GRIN2B: variants seen among roughly 807,000 people sequenced by gnomAD.
GRIN2B encodes glutamate ionotropic receptor NMDA type subunit 2B.
Under a neutral mutation model 114.5 loss-of-function variants are expected in GRIN2B, and 5 were observed. The ratio of observed to expected loss-of-function variants is 0.04; its 90% CI spans 0.02 to 0.09. GRIN2B has a LOEUF of 0.09. Among genes scored for constraint, GRIN2B ranks in the 10% least tolerant of loss-of-function variants. The pLI is 1.00. For missense variants in GRIN2B, 1,108 were observed against 1,943.5 expected (o/e 0.57, Z 8.08); for synonymous variants, 787 against 745.1 (o/e 1.06, Z -0.92).
intron 3 of GRIN2B, among the ~76,000 whole-genome samples, chr12:13,794,206 TC>T (rs1359831652): frequency 9.7e-5 from 2 of 20,708 alleles, no homozygotes; most frequent in African/African-American, 4.9e-4. Flanking sequence ...AGACTCTGTC[TC>T]AAAAAAAAAA....
intron 5 of GRIN2B, among the ~76,000 whole-genome samples, chr12:13,618,551 C>T (rs1041733095): frequency 7.9e-5 from 12 of 152,080 alleles, no homozygotes; most frequent in Admixed American, 2.0e-4. Flanking sequence ...CACTAAGGGT[C>T]CCCCCAGAGT....
intron 4 of GRIN2B, among the ~76,000 whole-genome samples, chr12:13,721,678 TAG>T (rs778814304): frequency 1.3e-5 from 2 of 152,056 alleles, no homozygotes; most frequent in Non-Finnish European, 2.9e-5. Flanking sequence ...AGTAGGTAAC[TAG>T]AGAGTCTAGT....
At chr12:13,817,223 C>T (rs942317569) in intron 3 of GRIN2B, among the ~76,000 whole-genome samples, 7 of 152,150 alleles carry the variant, frequency 4.6e-5, no homozygotes, top group Non-Finnish European at 1.0e-4. Flanking sequence ...AGCCCTCGTG[C>T]CTCCTTCTCT....
chr12:13,583,469 A>G (rs1158454341), intron 10 of GRIN2B, among the ~76,000 whole-genome samples: 1 of 152,228 alleles, frequency 6.6e-6, no homozygotes, highest in Non-Finnish European at 1.5e-5. Flanking sequence ...CAGGATACTC[A>G]TATTTAACTG....
intron 5 of GRIN2B, among the ~76,000 whole-genome samples, chr12:13,648,632 GC>G (rs1272345665): frequency 6.6e-6 from 1 of 151,812 alleles, no homozygotes; most frequent in Non-Finnish European, 1.5e-5. Flanking sequence ...TTGACAATAG[GC>G]AGGGTCCAGT....
intron 5 of GRIN2B, among the ~76,000 whole-genome samples, chr12:13,653,144 A>G (rs941902618): frequency 2.6e-5 from 4 of 152,190 alleles, no homozygotes; most frequent in African/African-American, 9.6e-5. Flanking sequence ...ATGGTAGATC[A>G]AAGAGATGGA....
chr12:13,742,308 T>C (rs1863301167), intron 4 of GRIN2B, among the ~76,000 whole-genome samples: 1 of 152,242 alleles, frequency 6.6e-6, no homozygotes, highest in African/African-American at 2.4e-5. Flanking sequence ...GGTTTGCCTA[T>C]CTGATCCTCA....
chr12:13,621,123 G>A (rs1949508059), intron 5 of GRIN2B, among the ~76,000 whole-genome samples: 1 of 152,134 alleles, frequency 6.6e-6, no homozygotes, highest in African/African-American at 2.4e-5. Context: ...AGAACAAGGT[G>A]TATTTCAAGC....
chr12:13,979,154 T>C (rs1006468292), intron 2 of GRIN2B, among the ~76,000 whole-genome samples: 1 of 152,120 alleles, frequency 6.6e-6, no homozygotes, highest in Non-Finnish European at 1.5e-5. Flanking sequence ...TAAATAGATA[T>C]GTAGACAGAA....
chr12:13,655,792 TA>T (rs1315386392), intron 5 of GRIN2B, among the ~76,000 whole-genome samples: 2 of 152,246 alleles, frequency 1.3e-5, no homozygotes, highest in East Asian at 3.8e-4. Context: ...TGACATACTG[TA>T]GACATATTAT....
chr12:13,752,859 G>C (rs182841229), intron 4 of GRIN2B, among the ~76,000 whole-genome samples: 3 of 152,114 alleles, frequency 2.0e-5, no homozygotes, highest in African/African-American at 7.2e-5. Flanking sequence ...AAAGGTAAGC[G>C]GACTGGTCCT....
chr12:13,659,421 T>TA (rs1344244569), intron 5 of GRIN2B, among the ~76,000 whole-genome samples: 3 of 152,164 alleles, frequency 2.0e-5, no homozygotes, highest in Admixed American at 2.0e-4. Context: ...TGCAGGCACC[T>TA]AAGTTCCTAC....
chr12:13,549,999 G>A lies in GRIN2B; in HGVS notation c.*12784C>T, dbSNP rs1326213487. On this transcript the variant is annotated 3_prime_UTR_variant, in exon 14 of 14. Transcript: ENST00000609686. ...GACAATTCAGGCAGCATTACTCGCT[G>A]AGCTAGACTGAGAGTTAGAAATTTG... The A allele has an allele frequency of 2.0e-5, 3 of 152,170 alleles. No individual in the cohort carries two copies. The highest frequency in any genetic ancestry group is 7.2e-5 in the African/African-American group (3 of 41,444). 9.4% of individuals were successfully genotyped at this position (152,170 alleles called of 1,614,324 possible).
intron 4 of GRIN2B, among the ~76,000 whole-genome samples, chr12:13,685,231 C>T (rs1378545957): frequency 6.6e-6 from 1 of 152,180 alleles, no homozygotes; most frequent in East Asian, 1.9e-4. Context: ...AAAATCAACA[C>T]ACAGGAAATA....
intron 10 of GRIN2B, among the ~76,000 whole-genome samples, chr12:13,593,631 C>T (rs1263815310): frequency 6.6e-6 from 1 of 152,132 alleles, no homozygotes; most frequent in Non-Finnish European, 1.5e-5. Context: ...AGAACATAGG[C>T]ATGGGCAAAG....
Position 13,543,259 on chromosome 12 carries a change from C to T in GRIN2B, c.*19524G>A, listed in dbSNP as rs1948303828. 1.3e-5 allele frequency: 2 copies of T among 152,232 alleles called. No individual in the cohort carries two copies. The highest frequency in any genetic ancestry group is 2.9e-5 in the Non-Finnish European group (2 of 68,048). 9.4% of individuals were successfully genotyped at this position (152,232 alleles called of 1,614,324 possible). A position where few individuals can be genotyped will look rare whatever the true frequency, so the allele number is the denominator to read the frequency against. Reference sequence around the variant, plus strand: ...CCCCAAACCACCAATAACTGCAAGCCCTCCATAACCTCAAGCATCCACCTC... The same window carrying T: ...CCCCAAACCACCAATAACTGCAAGCTCTCCATAACCTCAAGCATCCACCTC... On this transcript the variant is annotated 3_prime_UTR_variant, in exon 14 of 14. Coordinates refer to ENST00000609686, the MANE Select transcript of GRIN2B (RefSeq NM_000834.5).
chr12:13,660,246 A>G (rs987100540), intron 5 of GRIN2B, among the ~76,000 whole-genome samples: 4 of 152,194 alleles, frequency 2.6e-5, no homozygotes, highest in African/African-American at 9.7e-5. Context: ...ACAGGCATGA[A>G]TAACACGAAG....
intron 5 of GRIN2B, among the ~76,000 whole-genome samples, chr12:13,624,025 C>A (rs1949544910): frequency 6.6e-6 from 1 of 152,120 alleles, no homozygotes; most frequent in South Asian, 2.1e-4. Flanking sequence ...TTCTCCTTGG[C>A]CCTTCTCAGA....
chr12:13,976,618 G>A (rs1863025138), intron 2 of GRIN2B, among the ~76,000 whole-genome samples: 1 of 152,010 alleles, frequency 6.6e-6, no homozygotes. Flanking sequence ...ATGCTGATTT[G>A]GGATTATGAT....
Sources: gnomAD v4.1 joint callset for allele counts (sites outside exome capture counted in the v4.1 genomes callset) on GRCh38, gnomAD v4.1.1 for gene constraint, MANE v1.5 for transcripts, NCBI Gene and HGNC (gene_info 2026-07-23, HGNC 2026-07-21) for gene names.